The following DAPK3 variants were observed in gnomAD, a reference collection of about 807,000 sequenced individuals.
The protein encoded by DAPK3 is death-associated protein kinase 3.
A neutral mutation model predicts 30.6 loss-of-function variants in DAPK3; 24 were observed. The ratio of observed to expected loss-of-function variants is 0.78; its 90% CI spans 0.57 to 1.10. DAPK3 has a LOEUF of 1.10. DAPK3 is among the 50% of genes least tolerant of loss of function. DAPK3 has a pLI of 0.00. For missense variants in DAPK3, 629 were observed against 657.3 expected (o/e 0.96, Z 0.47); for synonymous variants, 341 against 284.0 (o/e 1.20, Z -2.02).
rs1254526329 is a variant in DAPK3 at position 3,959,167 on chromosome 19, G to A, written c.1299C>T (p.Phe433=). 6.3e-7 allele frequency: 1 copy of A among 1,595,372 alleles called. No individual in the cohort carries two copies. The highest frequency in any genetic ancestry group is 8.5e-7 in the Non-Finnish European group (1 of 1,175,920). Residue 433 remains phenylalanine (F), a synonymous_variant, in exon 9 of 9, where the codon TTC becomes TTT. Transcript: ENST00000545797. The stretch of plus-strand genomic sequence containing the variant: ...CCAGGGCGCGCACGAGGTCCTGCAC[G>A]AAGCGCATCTCGGAGGCTACTTGCT... ...LAKQVASEMR[F]VQDLVRALEQ...
In DAPK3 at chr19:3,964,825, T is replaced by C; in HGVS notation, c.229A>G (p.Ile77Val). 1 of 1,612,796 alleles carries C rather than the reference T, an allele frequency of 6.2e-7. No homozygotes were observed. The highest frequency in any genetic ancestry group is 8.5e-7 in the Non-Finnish European group (1 of 1,179,156). ...ILREIRHPNI[I>V]TLHDIFENKT... ...TTCTCGAAGATGTCGTGCAGGGTGA[T>C]GATGTTGGGGTGCCGGATCTCCCGC... Residue 77 changes from isoleucine (I) to valine (V), a missense_variant, in exon 3 of 9, where the codon ATC becomes GTC. This residue lies in a region of DAPK3 where 306 missense variants were observed against 378.5 expected (regional missense o/e 0.81). Transcript: ENST00000545797.
At chr19:3,968,154 T>C (rs1401010997) in intron 2 of DAPK3, among the ~76,000 whole-genome samples, 1 of 152,050 alleles carries the variant, frequency 6.6e-6, no homozygotes, top group East Asian at 1.9e-4. Context: ...ACAAGCTGCA[T>C]CCTATTCCAG....
In DAPK3 at chr19:3,964,273, T is replaced by C. The variant is rs999413567; in HGVS notation, c.524A>G (p.Lys175Arg). ...AHKIEAGNEF[K>R]NIFGTPEFVA... Reference sequence around the variant, plus strand: ...AAACTCCGGGGTGCCGAAGATGTTCTTGAACTCGTTCCCCGCCTCGATCTT... The same window carrying C: ...AAACTCCGGGGTGCCGAAGATGTTCCTGAACTCGTTCCCCGCCTCGATCTT... Residue 175 changes from lysine to arginine, a missense_variant, in exon 4 of 9, where the codon AAG becomes AGG. Transcript: ENST00000545797. The C allele has an allele frequency of 1.2e-6, 2 of 1,613,540 alleles. No individual in the cohort carries two copies. Among genetic ancestry groups the C allele is most frequent in the African/African-American group, 2.7e-5 (2 of 74,914 alleles).
At chr19:3,966,271 T>C (rs1265371367) in intron 2 of DAPK3, among the ~76,000 whole-genome samples, 1 of 152,076 alleles carries the variant, frequency 6.6e-6, no homozygotes, top group Non-Finnish European at 1.5e-5. Flanking sequence ...ACCTCCCGGC[T>C]CCACGCTGTC....
At position 3,964,804 on chromosome 19, in the gene DAPK3, C is replaced by T. The variant is rs1184011576; in HGVS notation, c.250G>A (p.Glu84Lys). ...PNIITLHDIFENKTDVVLILE... is the reference protein window; with the variant it reads ...PNIITLHDIFKNKTDVVLILE... Reference sequence around the variant, plus strand: ...ATGAGGACCACGTCCGTCTTGTTCTCGAAGATGTCGTGCAGGGTGATGATG... The same window carrying T: ...ATGAGGACCACGTCCGTCTTGTTCTTGAAGATGTCGTGCAGGGTGATGATG... Residue 84 changes from glutamate (E) to lysine (K), a missense_variant, in exon 3 of 9, where the codon GAG (glutamate) becomes AAG (lysine). By Grantham distance (56) the Glu-to-Lys change is moderately conservative. Transcript: ENST00000545797. 2 of 1,612,606 alleles carry T rather than the reference C, an allele frequency of 1.2e-6. No homozygotes were observed. The highest frequency in any genetic ancestry group is 1.1e-5 in the South Asian group (1 of 91,034).
At position 3,958,496 on chromosome 19, in the gene DAPK3, G is replaced by A. The variant is rs961179702; in HGVS notation, c.*605C>T. 2 of 456,602 alleles carry A rather than the reference G, an allele frequency of 4.4e-6. No individual in the cohort carries two copies. The highest frequency in any genetic ancestry group is 3.2e-4 in the Middle Eastern group (1 of 3,080). The allele number at this position is 456,602 out of a possible 1,614,324, so 28.3% of individuals were successfully genotyped here. A position where few individuals can be genotyped will look rare whatever the true frequency, so the allele number is the denominator to read the frequency against. On this transcript the variant is annotated 3_prime_UTR_variant, in exon 9 of 9. Transcript: ENST00000545797. ...TTATTTCTCTTGGCTGCAGAGGGCC[G>A]CTCTTGCCTAGGCGTCCACAGGCGC...
At chr19:3,967,981 T>C (rs2039594974) in intron 2 of DAPK3, among the ~76,000 whole-genome samples, 1 of 152,188 alleles carries the variant, frequency 6.6e-6, no homozygotes. Context: ...TAAATACTTT[T>C]TTTAAAATTA....
Position 3,964,284 on chromosome 19 carries a change from C to T in DAPK3, c.513G>A (p.Gly171=). Residue 171 remains glycine (G), a synonymous_variant, in exon 4 of 9, where the codon GGG becomes GGA. Transcript: ENST00000545797. ...TGCCGAAGATGTTCTTGAACTCGTT[C>T]CCCGCCTCGATCTTGTGCGCGATGC... ...DFGIAHKIEA[G]NEFKNIFGTP... 1 of 1,613,700 alleles carries T rather than the reference C, an allele frequency of 6.2e-7. No homozygotes were observed. The highest frequency in any genetic ancestry group is 2.2e-5 in the East Asian group (1 of 44,856).
intron 8 of DAPK3, 117 bp from the exon 9 acceptor site, chr19:3,959,754 G>C (rs890583831): frequency 2.3e-5 from 28 of 1,204,742 alleles, no homozygotes; most frequent in South Asian, 3.2e-5. Context: ...TCAACGCCTC[G>C]TGACGGAGAC....
rs1166257227 is a variant in DAPK3 at position 3,958,548 on chromosome 19, C to CA, written c.*552dup. On this transcript the variant is annotated 3_prime_UTR_variant, in exon 9 of 9. Transcript: ENST00000545797. ...ACGATGGGGCTCGCGGAGGAGTCCG[C>CA]AGCAGGGCACCCCACACCCGGGGGA... The CA allele has an allele frequency of 3.7e-5, 17 of 456,694 alleles. No homozygotes were observed. Among genetic ancestry groups the CA allele is most frequent in the Non-Finnish European group, 2.6e-5 (6 of 227,614 alleles). 28.3% of individuals were successfully genotyped at this position (456,694 alleles called of 1,614,324 possible). A position where few individuals can be genotyped will look rare whatever the true frequency, so the allele number is the denominator to read the frequency against.
Position 3,964,999 on chromosome 19 carries a change from A to T in DAPK3, c.63-8T>A. 2 of 1,496,966 alleles carry T rather than the reference A, an allele frequency of 1.3e-6. No homozygotes were observed. The highest frequency in any genetic ancestry group is 1.8e-6 in the Non-Finnish European group (2 of 1,086,732). The allele number at this position is 1,496,966 out of a possible 1,614,324, so 92.7% of individuals were successfully genotyped here. A position where few individuals can be genotyped will look rare whatever the true frequency, so the allele number is the denominator to read the frequency against. On this transcript the variant is annotated splice_polypyrimidine_tract_variant and splice_region_variant and intron_variant, in intron 2 of 8. Coordinates refer to ENST00000545797, the MANE Select transcript of DAPK3 (RefSeq NM_001348.3). The stretch of plus-strand genomic sequence containing the variant: ...ACGATCGCAAACTGGCCGCTGGAGG[A>T]GGGGGAGGGAGTGAGTGGGGGTGGA...
intron 5 of DAPK3, 70 bp downstream of exon 5, chr19:3,963,801 C>G (rs2039544798): frequency 7.9e-7 from 1 of 1,263,662 alleles, no homozygotes; most frequent in African/African-American, 1.5e-5. Flanking sequence ...CCCGCTTCAT[C>G]CCCAGCTGCA....
intron 7 of DAPK3, 21 bp downstream of exon 7, chr19:3,960,987 GC>G (rs766272330): frequency 1.2e-6 from 2 of 1,611,242 alleles, no homozygotes; most frequent in South Asian, 1.1e-5. Context: ...CCCACCCCGT[GC>G]CCCCTGCCGG....
At position 3,958,623 on chromosome 19, in the gene DAPK3, G is replaced by C. The variant is rs373334583; in HGVS notation, c.*478C>G. The C allele has an allele frequency of 2.4e-6, 1 of 412,634 alleles. No individual in the cohort carries two copies. Among genetic ancestry groups the C allele is most frequent in the Non-Finnish European group, 4.9e-6 (1 of 206,090 alleles). The allele number at this position is 412,634 out of a possible 1,614,324, so 25.6% of individuals were successfully genotyped here. ...AGTGGAAGACCCCACCAAGCCCGGC[G>C]CCACCCAGCAGCGTGGGGACTGCCT... On this transcript the variant is annotated 3_prime_UTR_variant, in exon 9 of 9. Transcript: ENST00000545797.
chr19:3,969,893 T>G, intron 1 of DAPK3, 64 bp from the exon 2 acceptor site: 1 of 616,378 alleles, frequency 1.6e-6, no homozygotes, highest in Non-Finnish European at 2.9e-6. Context: ...CCTAGATTAA[T>G]GGACAGACCT....
chr19:3,969,917 A>C, intron 1 of DAPK3, 88 bp from the exon 2 acceptor site: 1 of 587,974 alleles, frequency 1.7e-6, no homozygotes, highest in Non-Finnish European at 3.0e-6. Context: ...CAGCAAACAC[A>C]AGCCTCCCAC....
chr19:3,960,924 G>A, intron 7 of DAPK3, 85 bp downstream of exon 7: 1 of 1,448,792 alleles, frequency 6.9e-7, no homozygotes, highest in African/African-American at 1.4e-5. Context: ...AGGTGGCGCT[G>A]GGAGGAGAGT....
intron 2 of DAPK3, among the ~76,000 whole-genome samples, 180 bp from the exon 3 acceptor site, chr19:3,965,171 T>C (rs2039564543): frequency 6.6e-6 from 1 of 152,170 alleles, no homozygotes; most frequent in Non-Finnish European, 1.5e-5. Flanking sequence ...AGCAATTCCT[T>C]AGCGCCCCAC....
chr19:3,961,276 G>C (rs2039508480), intron 6 of DAPK3, 115 bp from the exon 7 acceptor site: 3 of 842,494 alleles, frequency 3.6e-6, no homozygotes, highest in Admixed American at 2.0e-5. Flanking sequence ...GCAGGTGCCT[G>C]GGCCACTCAC....
Sources: gnomAD v4.1 joint callset for allele counts (sites outside exome capture counted in the v4.1 genomes callset) on GRCh38, gnomAD v4.1.1 for gene constraint, gnomAD v4.1.1 regional missense constraint, MANE v1.5 for transcripts, NCBI Gene and HGNC (gene_info 2026-07-23, HGNC 2026-07-21) for gene names.